SLC22A2: variants seen among roughly 807,000 people sequenced by gnomAD.
SLC22A2 encodes organic cation transporter 2.
SLC22A2 carries 46 observed loss-of-function variants against 60.5 expected under a neutral mutation model. That is an observed-to-expected ratio of 0.76 (90% CI 0.60 to 0.97). The LOEUF (loss-of-function observed/expected upper bound fraction) is 0.97. Among genes scored for constraint, SLC22A2 ranks in the 50% least tolerant of loss-of-function variants. The pLI is 0.00. For synonymous variants in SLC22A2, 303 were observed against 267.0 expected (o/e 1.13, Z -1.31); for missense variants, 701 against 706.6 (o/e 0.99, Z 0.09).
chr6:160,227,471 A>G (rs991345623), intron 9 of SLC22A2, among the ~76,000 whole-genome samples: 1 of 152,320 alleles, frequency 6.6e-6, no homozygotes, highest in Middle Eastern at 3.4e-3. Context: ...GCATGTATTG[A>G]TGGATGGCTT....
intron 8 of SLC22A2, 88 bp downstream of exon 8, chr6:160,242,206 A>C: frequency 1.2e-6 from 1 of 811,698 alleles, no homozygotes; most frequent in Non-Finnish European, 2.2e-6. Context: ...TTTTGAAGGT[A>C]AGATATCCTT....
At chr6:160,238,985 G>C (rs1282248727) in intron 9 of SLC22A2, among the ~76,000 whole-genome samples, 1 of 152,102 alleles carries the variant, frequency 6.6e-6, no homozygotes, top group African/African-American at 2.4e-5. Context: ...GGCATTCTTA[G>C]TCACAGGATG....
intron 9 of SLC22A2, among the ~76,000 whole-genome samples, chr6:160,236,250 G>A (rs1163504528): frequency 6.6e-6 from 1 of 152,154 alleles, no homozygotes; most frequent in East Asian, 1.9e-4. Flanking sequence ...CTCAGGGAGA[G>A]GTGAAATGTT....
At chr6:160,238,321 A>C (rs1049491423) in intron 9 of SLC22A2, among the ~76,000 whole-genome samples, 2 of 152,164 alleles carry the variant, frequency 1.3e-5, no homozygotes, top group Non-Finnish European at 2.9e-5. Flanking sequence ...TAAATAATTA[A>C]CCTCTCAAAA....
At chr6:160,221,923 T>C (rs147148479) in intron 10 of SLC22A2, among the ~76,000 whole-genome samples, 1 of 152,308 alleles carries the variant, frequency 6.6e-6, no homozygotes, top group African/African-American at 2.4e-5. Context: ...CACAGTGACA[T>C]GAAGTGAGCA....
Position 160,232,967 on chromosome 6 carries a change from G to A in SLC22A2, c.1502-8163C>T, listed in dbSNP as rs543628718. Among the ~76,000 whole-genome samples the A allele has an allele frequency of 1.2e-4, 18 of 151,842 alleles. No individual in the cohort carries two copies. In the East Asian group the frequency reaches 3.3e-3, roughly 28 times the overall value. ...TCATTTCGTAGTCTCTTCCATGTAG[G>A]TTACAAGCCACTAGCCCATCTCTTA... On this transcript the variant is annotated intron_variant, in intron 9 of 10. Transcript: ENST00000366953.
At chr6:160,232,959 C>T (rs78600332) in intron 9 of SLC22A2, among the ~76,000 whole-genome samples, 5 of 151,898 alleles carry the variant, frequency 3.3e-5, no homozygotes, top group Admixed American at 6.5e-5. Flanking sequence ...GTAGTCTCTT[C>T]CATGTAGGTT....
intron 9 of SLC22A2, among the ~76,000 whole-genome samples, chr6:160,240,067 C>T (rs896514874): frequency 2.0e-5 from 3 of 152,052 alleles, no homozygotes; most frequent in South Asian, 4.2e-4. Flanking sequence ...CCCAGTCAGT[C>T]GAGGTTTATT....
intron 9 of SLC22A2, among the ~76,000 whole-genome samples, chr6:160,236,273 A>G (rs1782910753): frequency 6.6e-6 from 1 of 152,256 alleles, no homozygotes; most frequent in Admixed American, 6.5e-5. Flanking sequence ...TGTATATCAA[A>G]CAAAGCAGGA....
At chr6:160,233,876 C>T (rs1782868043) in intron 9 of SLC22A2, among the ~76,000 whole-genome samples, 1 of 151,752 alleles carries the variant, frequency 6.6e-6, no homozygotes, top group Non-Finnish European at 1.5e-5. Context: ...CAAAACTTTA[C>T]CAATATTTTG....
chr6:160,250,282 A>G (rs1363174090), intron 3 of SLC22A2, among the ~76,000 whole-genome samples: 1 of 152,218 alleles, frequency 6.6e-6, no homozygotes, highest in Non-Finnish European at 1.5e-5. Context: ...ACTCCAGGGT[A>G]CAGAAAACAA....
intron 9 of SLC22A2, among the ~76,000 whole-genome samples, chr6:160,236,776 G>C (rs1291077600): frequency 1.3e-5 from 2 of 152,112 alleles, no homozygotes; most frequent in Admixed American, 1.3e-4. Flanking sequence ...AGACCCAGGA[G>C]CCTGAGTTAC....
In SLC22A2 at chr6:160,217,407, A is replaced by T. The variant is rs765406032; in HGVS notation, c.*25T>A. 6.6e-7 allele frequency: 1 copy of T among 1,509,712 alleles called. No homozygotes were observed. Among genetic ancestry groups the T allele is most frequent in the Non-Finnish European group, 9.2e-7 (1 of 1,087,910 alleles). 93.5% of individuals were successfully genotyped at this position (1,509,712 alleles called of 1,614,324 possible). On this transcript the variant is annotated 3_prime_UTR_variant, in exon 11 of 11. Coordinates refer to ENST00000366953, the MANE Select transcript of SLC22A2 (RefSeq NM_003058.4). ...GTCTTGCTGCCATCAAAGCTAGGTC[A>T]TGACAGCAGCAACGGTCTCTCTTCT...
At chr6:160,231,034 T>C (rs1266289462) in intron 9 of SLC22A2, among the ~76,000 whole-genome samples, 1 of 151,878 alleles carries the variant, frequency 6.6e-6, no homozygotes, top group Non-Finnish European at 1.5e-5. Flanking sequence ...GTAACTCTTA[T>C]GGTGGAGGGT....
At chr6:160,244,486 A>C (rs956013850) in intron 6 of SLC22A2, 1 of 152,160 alleles carries the variant, frequency 6.6e-6, no homozygotes, top group Admixed American at 6.5e-5. Context: ...CTGACTACTT[A>C]ATTCAAATTT....
At chr6:160,243,914 C>T (rs935169903) in intron 6 of SLC22A2, 128 bp from the exon 7 acceptor site, 13 of 634,120 alleles carry the variant, frequency 2.1e-5, no homozygotes, top group Non-Finnish European at 3.3e-5. Flanking sequence ...GCTAGTCCCC[C>T]ATCCCACTGC....
At chr6:160,247,926 C>T (rs77263339) in intron 4 of SLC22A2, among the ~76,000 whole-genome samples, 1,783 of 152,206 alleles carry the variant, frequency 0.012, 37 homozygotes, top group African/African-American at 0.041. Flanking sequence ...AGGGCTGCTG[C>T]TGTGGCAGTT....
rs891299885 is a variant in SLC22A2, at chr6:160,256,542, G to C, written c.518+72C>G. On this transcript the variant is annotated intron_variant, in intron 2 of 10. Coordinates refer to ENST00000366953, the MANE Select transcript of SLC22A2 (RefSeq NM_003058.4). ...CTTGGGAAAGGATGGGATTCAAGCAGGGGCAGGTGCATCCAAGTGTTCTCC... is the reference window on the plus strand; with the variant it reads ...CTTGGGAAAGGATGGGATTCAAGCACGGGCAGGTGCATCCAAGTGTTCTCC... 7.2e-6 allele frequency: 7 copies of C among 969,786 alleles called. No individual in the cohort carries two copies. In the East Asian group the frequency reaches 1.2e-4, roughly 17 times the overall value. The allele number at this position is 969,786 out of a possible 1,614,324, so 60.1% of individuals were successfully genotyped here. A position where few individuals can be genotyped will look rare whatever the true frequency, so the allele number is the denominator to read the frequency against.
rs552768721 is a variant in SLC22A2, at chr6:160,249,787, T to C, written c.674-403A>G. Among the ~76,000 whole-genome samples the C allele has an allele frequency of 2.0e-5, 3 of 152,340 alleles. No individual in the cohort carries two copies. In the South Asian group the frequency reaches 6.2e-4, roughly 32 times the overall value. Reference sequence around the variant, plus strand: ...GAACACCTGAGTATAACTTGTTCTCTTACATGGGTTTAACATTTATCTTGC... The same window carrying C: ...GAACACCTGAGTATAACTTGTTCTCCTACATGGGTTTAACATTTATCTTGC... On this transcript the variant is annotated intron_variant, in intron 3 of 10. Coordinates refer to ENST00000366953, the MANE Select transcript of SLC22A2 (RefSeq NM_003058.4).
Sources: gnomAD v4.1 joint callset for allele counts (sites outside exome capture counted in the v4.1 genomes callset) on GRCh38, gnomAD v4.1.1 for gene constraint, MANE v1.5 for transcripts, NCBI Gene and HGNC (gene_info 2026-07-23, HGNC 2026-07-21) for gene names.